C1QTNF9: variants seen among roughly 807,000 people sequenced by gnomAD.
The protein encoded by C1QTNF9 is C1q and TNF related 9.
C1QTNF9 carries 6 observed loss-of-function variants against 10.1 expected under a neutral mutation model. The observed-to-expected ratio is 0.59, with a 90% CI of 0.32 to 1.17. The LOEUF is 1.17. C1QTNF9 is among the 50% of genes most tolerant of loss of function. C1QTNF9 has a pLI of 0.04. For missense variants in C1QTNF9, 201 were observed against 418.8 expected (o/e 0.48, Z 4.54); for synonymous variants, 98 against 163.5 (o/e 0.60, Z 3.06).
At chr13:24,317,601 TTTATC>T (rs60733908) in intron 2 of C1QTNF9, among the ~76,000 whole-genome samples, 1 of 152,010 alleles carries the variant, frequency 6.6e-6, no homozygotes, top group Non-Finnish European at 1.5e-5. Flanking sequence ...TTACTTCATT[TTTATC>T]TTATCTTAAA....
chr13:24,315,360 T>C (rs913742267), intron 1 of C1QTNF9, among the ~76,000 whole-genome samples: 2 of 152,252 alleles, frequency 1.3e-5, no homozygotes, highest in Non-Finnish European at 2.9e-5. Context: ...GGTCCATTCA[T>C]GTTGTAACAT....
rs1007937205 is a variant in C1QTNF9, at chr13:24,316,220, T to C, written c.166+51T>C. ...CTTTCAACTTCTCTCTTCATTCCTT[T>C]CATCTCATTCACTCATCATCTGTGT... On this transcript the variant is annotated intron_variant, in intron 2 of 3. Transcript: ENST00000332018. 6.0e-6 allele frequency: 9 copies of C among 1,507,516 alleles called. 1 individual carries two copies. In the African/African-American group the frequency reaches 9.6e-5, roughly 16 times the overall value. 93.4% of individuals were successfully genotyped at this position (1,507,516 alleles called of 1,614,324 possible).
chr13:24,316,512 C>T (rs1331481645), intron 2 of C1QTNF9, among the ~76,000 whole-genome samples: 1 of 152,204 alleles, frequency 6.6e-6, no homozygotes, highest in Non-Finnish European at 1.5e-5. Flanking sequence ...TCTCAGGTGA[C>T]AGGTATGATG....
chr13:24,320,394 AT>A (rs958475988), intron 3 of C1QTNF9, among the ~76,000 whole-genome samples: 16 of 151,642 alleles, frequency 1.1e-4, no homozygotes, highest in Non-Finnish European at 2.2e-4. Context: ...ATTTATTTTT[AT>A]TTTTTTTGAG....
chr13:24,312,784 GTC>G (rs2138802410), intron 1 of C1QTNF9, among the ~76,000 whole-genome samples: 1 of 151,794 alleles, frequency 6.6e-6, no homozygotes, highest in South Asian at 2.1e-4. Context: ...GTGAAACCCC[GTC>G]TCTACTAAAA....
At chr13:24,322,526 A>G (rs1358454177) in exon 4 of C1QTNF9, 1 of 152,210 alleles carries the variant, frequency 6.6e-6, no homozygotes, top group African/African-American at 2.4e-5. Context: ...GAGTCTTTAA[A>G]CAACAGAAAT....
intron 2 of C1QTNF9, among the ~76,000 whole-genome samples, chr13:24,316,415 A>G (rs574872001): frequency 2.3e-4 from 35 of 151,994 alleles, no homozygotes; most frequent in Non-Finnish European, 3.7e-4. Flanking sequence ...ACAGGGCAAG[A>G]TCGCCATGAC....
intron 1 of C1QTNF9, among the ~76,000 whole-genome samples, chr13:24,314,755 A>G (rs1479467957): frequency 3.9e-5 from 6 of 152,084 alleles, no homozygotes. Flanking sequence ...GAAGCAAGAG[A>G]ATCGCTTGAG....
At chr13:24,310,122 G>C (rs1233409438) in intron 1 of C1QTNF9, among the ~76,000 whole-genome samples, 3 of 151,832 alleles carry the variant, frequency 2.0e-5, no homozygotes, top group Non-Finnish European at 4.4e-5. Context: ...TTGAACTCCT[G>C]ACCTTATGAT....
In C1QTNF9 at chr13:24,313,119, A is replaced by C. The variant is rs538781980; in HGVS notation, c.-22-2863A>C. Among the ~76,000 whole-genome samples the C allele has an allele frequency of 3.3e-5, 5 of 152,258 alleles. No individual in the cohort carries two copies. The East Asian group carries it at 9.6e-4, about 29-fold the overall frequency. On this transcript the variant is annotated intron_variant, in intron 1 of 3. Transcript: ENST00000332018. Reference sequence around the variant, plus strand: ...CTGTATCTCTATAAACAAACAAACAAACAAACAAATAAAACAGAAATAGTG... The same window carrying C: ...CTGTATCTCTATAAACAAACAAACACACAAACAAATAAAACAGAAATAGTG...
In C1QTNF9 at chr13:24,321,454, G is replaced by A. The variant is rs146807462; in HGVS notation, c.688G>A (p.Glu230Lys). ...TAAATTTGATAAGATCCTGTATAAC[G>A]AATTCAACCATTATGATACAGCAGC... is the stretch of plus-strand genomic sequence containing the variant. Residue 230 changes from glutamate to lysine, a missense_variant, in exon 4 of 4, where the codon GAA (glutamate) becomes AAA (lysine). Coordinates refer to ENST00000332018, the Ensembl canonical transcript of C1QTNF9. 2.7e-4 allele frequency: 443 copies of A among 1,613,176 alleles called. 2 individuals carry two copies. Among genetic ancestry groups the A allele is most frequent in the Middle Eastern group, 2.1e-3 (13 of 6,054 alleles).
At chr13:24,319,823 G>A (rs1446433110) in intron 3 of C1QTNF9, among the ~76,000 whole-genome samples, 1 of 152,108 alleles carries the variant, frequency 6.6e-6, no homozygotes, top group Non-Finnish European at 1.5e-5. Flanking sequence ...TGCTTTTCAT[G>A]TACTGACTCA....
chr13:24,310,414 G>A (rs1339934245), intron 1 of C1QTNF9, among the ~76,000 whole-genome samples: 3 of 149,914 alleles, frequency 2.0e-5, no homozygotes, highest in African/African-American at 7.4e-5. Context: ...GCCTCCCAAA[G>A]TGCTGGGATT....
chr13:24,319,993 C>T (rs866637732), intron 3 of C1QTNF9, among the ~76,000 whole-genome samples: 3 of 152,116 alleles, frequency 2.0e-5, no homozygotes, highest in Non-Finnish European at 2.9e-5. Context: ...CTTGCAACCA[C>T]GGCTCTTTGG....
At chr13:24,312,742 G>A (rs930357477) in intron 1 of C1QTNF9, among the ~76,000 whole-genome samples, 6 of 151,880 alleles carry the variant, frequency 4.0e-5, no homozygotes, top group African/African-American at 1.2e-4. Flanking sequence ...GAATCACAAG[G>A]TCAGGAAATC....
intron 1 of C1QTNF9, among the ~76,000 whole-genome samples, chr13:24,310,911 CAAAAAAA>C (rs58299891): frequency 4.8e-5 from 4 of 83,050 alleles, no homozygotes; most frequent in African/African-American, 1.1e-4. Context: ...GGCTCTGTCT[CAAAAAAA>C]AAAAAAAAAA....
At chr13:24,321,701 A>G (rs760515254) in exon 4 of C1QTNF9, 1 of 1,612,242 alleles carries the variant, frequency 6.2e-7, no homozygotes, top group Admixed American at 1.7e-5. Flanking sequence ...GAGAGGTTCA[A>G]TGGCTTGTTT....
intron 1 of C1QTNF9, among the ~76,000 whole-genome samples, chr13:24,312,782 C>T (rs2138802399): frequency 6.6e-6 from 1 of 151,690 alleles, no homozygotes; most frequent in East Asian, 1.9e-4. Flanking sequence ...TGGTGAAACC[C>T]CGTCTCTACT....
chr13:24,313,017 C>T (rs975733913), intron 1 of C1QTNF9, among the ~76,000 whole-genome samples: 4 of 151,800 alleles, frequency 2.6e-5, no homozygotes, highest in African/African-American at 7.3e-5. Context: ...TCTCTAATCC[C>T]AGCTATTCAG....
Sources: gnomAD v4.1 joint callset for allele counts (sites outside exome capture counted in the v4.1 genomes callset) on GRCh38, gnomAD v4.1.1 for gene constraint, MANE v1.5 for transcripts, NCBI Gene and HGNC (gene_info 2026-07-23, HGNC 2026-07-21) for gene names.